DNAH3: variants seen among roughly 807,000 people sequenced by gnomAD.
DNAH3 encodes axonemal beta dynein heavy chain 3.
DNAH3 carries 332 observed loss-of-function variants against 432.5 expected under a neutral mutation model. The observed-to-expected ratio is 0.77, with a 90% CI of 0.70 to 0.84. The LOEUF (loss-of-function observed/expected upper bound fraction) is 0.84, where lower values mean the gene tolerates loss of function less well. Ranked by LOEUF, DNAH3 falls within the 40% of genes least tolerant of loss-of-function variation. DNAH3 has a pLI of 0.00. For synonymous variants in DNAH3, 1,956 were observed against 1,900.2 expected (o/e 1.03, Z -0.76); for missense variants, 4,861 against 5,114.0 (o/e 0.95, Z 1.51).
chr16:21,141,431 T>A (rs2092717719), intron 3 of DNAH3, 59 bp from the exon 5 acceptor site: 1 of 1,260,806 alleles, frequency 7.9e-7, no homozygotes, highest in Non-Finnish European at 1.1e-6. Context: ...CCATTCTCCG[T>A]CCACAGGGGC....
intron 7 of DNAH3, among the ~76,000 whole-genome samples, chr16:21,133,077 C>T (rs914720349): frequency 4.0e-5 from 6 of 151,774 alleles, no homozygotes; most frequent in Admixed American, 3.3e-4. Context: ...ACCGTCCGGG[C>T]GTGGTGGCTT....
Position 20,969,301 on chromosome 16 carries a change from T to G in DNAH3, c.8458+491A>C, listed in dbSNP as rs563250611. Reference sequence around the variant, plus strand: ...GCATGCATGTGTGTGCATGTGTGTGTGTGTGTGCATGCATGCATGCGTGTA... The same window carrying G: ...GCATGCATGTGTGTGCATGTGTGTGGGTGTGTGCATGCATGCATGCGTGTA... On this transcript the variant is annotated intron_variant, in intron 52 of 61. Transcript: ENST00000261383. Among the ~76,000 whole-genome samples the G allele has an allele frequency of 5.9e-5, 9 of 152,252 alleles. No individual in the cohort carries two copies. In the South Asian group the frequency reaches 1.9e-3, roughly 32 times the overall value.
At chr16:20,986,692 T>A (rs1469149337) in intron 47 of DNAH3, among the ~76,000 whole-genome samples, 1 of 152,104 alleles carries the variant, frequency 6.6e-6, no homozygotes, top group Non-Finnish European at 1.5e-5. Context: ...ACTATCCTGG[T>A]CCCCACTCTG....
exon 11 of DNAH3, chr16:21,120,783 C>T: frequency 2.5e-6 from 4 of 1,614,210 alleles, no homozygotes; most frequent in Non-Finnish European, 3.4e-6. Context: ...GCTCTCCTGG[C>T]TCAGCTGCTT....
intron 12 of DNAH3, among the ~76,000 whole-genome samples, chr16:21,115,892 T>C (rs983413478): frequency 2.6e-5 from 4 of 152,138 alleles, no homozygotes; most frequent in Non-Finnish European, 5.9e-5. Context: ...CCATGATTTT[T>C]TGACTAGGTT....
At chr16:20,959,304 G>T (rs1297627034) in exon 54 of DNAH3, 1 of 1,614,104 alleles carries the variant, frequency 6.2e-7, no homozygotes, top group Non-Finnish European at 8.5e-7. Context: ...TGATGGCATT[G>T]TTGATCATTT....
chr16:21,086,150 G>C (rs771633619), intron 19 of DNAH3, among the ~76,000 whole-genome samples: 1 of 152,136 alleles, frequency 6.6e-6, no homozygotes, highest in East Asian at 1.9e-4. Flanking sequence ...CATACAGAGC[G>C]ACTCCTGGTA....
chr16:21,149,808 C>T (rs956275289), intron 1 of DNAH3, among the ~76,000 whole-genome samples: 3 of 152,134 alleles, frequency 2.0e-5, no homozygotes, highest in East Asian at 1.9e-4. Context: ...TTCCAAAAGT[C>T]TAATTCAGCA....
At chr16:21,024,494 G>T in intron 39 of DNAH3, 102 bp downstream of exon 39, 4 of 778,550 alleles carry the variant, frequency 5.1e-6, no homozygotes, top group South Asian at 4.0e-5. Flanking sequence ...CCTGCCCCTT[G>T]TTGCCTCCAG....
At chr16:20,981,986 A>G (rs928526426) in intron 49 of DNAH3, among the ~76,000 whole-genome samples, 5 of 142,362 alleles carry the variant, frequency 3.5e-5, no homozygotes, top group African/African-American at 1.1e-4. Flanking sequence ...CATATATATA[A>G]AGCACATATA....
intron 11 of DNAH3, among the ~76,000 whole-genome samples, chr16:21,117,849 C>T (rs368541061): frequency 6.6e-6 from 1 of 152,182 alleles, no homozygotes; most frequent in Non-Finnish European, 1.5e-5. Context: ...TCAATGAATA[C>T]TATCGTAGTG....
chr16:20,993,445 TA>T (rs1027710879), intron 44 of DNAH3, among the ~76,000 whole-genome samples: 3 of 152,218 alleles, frequency 2.0e-5, no homozygotes, highest in Non-Finnish European at 2.9e-5. Context: ...AGAAATGGCT[TA>T]AAAAAATAAT....
rs559527656 is a variant in DNAH3, at chr16:21,037,694, A to G, written c.4950+67T>C. On this transcript the variant is annotated intron_variant, in intron 34 of 61. Coordinates refer to ENST00000261383, the Ensembl canonical transcript of DNAH3. ...TGGAAGAGGGTATGGGGAAGGCACC[A>G]AACACAACATTTCATCTTCCAACAT... 1.5e-5 allele frequency: 21 copies of G among 1,439,886 alleles called. No individual in the cohort carries two copies. In the South Asian group the frequency reaches 2.1e-4, roughly 14 times the overall value. The allele number at this position is 1,439,886 out of a possible 1,614,324, so 89.2% of individuals were successfully genotyped here.
intron 54 of DNAH3, 69 bp from the exon 55 acceptor site, chr16:20,955,126 C>G (rs539680158): frequency 9.6e-6 from 14 of 1,464,826 alleles, no homozygotes; most frequent in Admixed American, 2.3e-5. Context: ...ACAACAAAAA[C>G]AAAACAATAA....
chr16:21,042,313 C>T lies in DNAH3; in HGVS notation c.4462-110G>A, dbSNP rs1002465483. On this transcript the variant is annotated intron_variant, in intron 31 of 61. Transcript: ENST00000261383. The stretch of plus-strand genomic sequence containing the variant: ...AGAAAGAACCCAATCACCCAAAAAC[C>T]GCACCTGCACATTCAAAATTAGGAG... The T allele has an allele frequency of 4.4e-5, 46 of 1,056,748 alleles. No homozygotes were observed. The African/African-American group carries it at 4.5e-4, about 10-fold the overall frequency. The allele number at this position is 1,056,748 out of a possible 1,614,324, so 65.5% of individuals were successfully genotyped here. A position where few individuals can be genotyped will look rare whatever the true frequency, so the allele number is the denominator to read the frequency against.
chr16:21,098,786 C>G lies in DNAH3; in HGVS notation c.2367-17G>C. 1 of 1,605,484 alleles carries G rather than the reference C, an allele frequency of 6.2e-7. No homozygotes were observed. The highest frequency in any genetic ancestry group is 1.1e-5 in the South Asian group (1 of 90,268). ...TCTGAGCATCTGAAAATAAAGACAG[C>G]CTGGTTACCTTTGGACTTTGCATTT... On this transcript the variant is annotated splice_polypyrimidine_tract_variant and intron_variant, in intron 16 of 61. Transcript: ENST00000261383.
At chr16:21,108,984 G>A (rs1294248997) in intron 14 of DNAH3, among the ~76,000 whole-genome samples, 1 of 151,846 alleles carries the variant, frequency 6.6e-6, no homozygotes, top group Non-Finnish European at 1.5e-5. Flanking sequence ...TTAGCCGGGT[G>A]TGGTGGCACA....
At chr16:20,978,543 A>C (rs2085704456) in intron 50 of DNAH3, among the ~76,000 whole-genome samples, 1 of 151,994 alleles carries the variant, frequency 6.6e-6, no homozygotes, top group African/African-American at 2.4e-5. Context: ...AATAATTATA[A>C]TAAAATAAAG....
intron 20 of DNAH3, among the ~76,000 whole-genome samples, chr16:21,078,862 A>G (rs982680740): frequency 1.3e-5 from 2 of 152,196 alleles, no homozygotes; most frequent in Non-Finnish European, 2.9e-5. Flanking sequence ...AATACATGCA[A>G]TATCACACCT....
Sources: allele counts gnomAD v4.1 joint callset (sites outside exome capture counted in the v4.1 genomes callset), GRCh38; gene constraint gnomAD v4.1.1; transcripts MANE v1.5; gene names NCBI Gene and HGNC (gene_info 2026-07-23, HGNC 2026-07-21).